Variants in MYO3A observed in about 807,000 individuals in gnomAD.
MYO3A encodes the protein myosin-IIIa.
Under a neutral mutation model 192.7 loss-of-function variants are expected in MYO3A, and 180 were observed. The ratio of observed to expected loss-of-function variants is 0.93; its 90% CI spans 0.83 to 1.06. The LOEUF is 1.06. Among genes scored for constraint, MYO3A ranks in the 50% least tolerant of loss-of-function variants. MYO3A has a pLI of 0.00. For synonymous variants in MYO3A, 628 were observed against 645.3 expected (o/e 0.97, Z 0.41); for missense variants, 1,896 against 1,905.0 (o/e 1.00, Z 0.09).
Position 26,125,164 on chromosome 10 carries a change from T to C in MYO3A, c.1904-234T>C, listed in dbSNP as rs1035333199. On this transcript the variant is annotated intron_variant, in intron 18 of 34. Coordinates refer to ENST00000642920, the MANE Select transcript of MYO3A (RefSeq NM_017433.5). ...TGTATTACTCTGCCAGCCAGTGTGA[T>C]TTGGGTTATGTTATAATATGCAGTA... Among the ~76,000 whole-genome samples, 5 of 152,354 alleles carry C rather than the reference T, an allele frequency of 3.3e-5. No homozygotes were observed. In the East Asian group the frequency reaches 9.6e-4, roughly 29 times the overall value.
chr10:25,988,225 G>A (rs575117285), intron 4 of MYO3A, among the ~76,000 whole-genome samples: 1 of 152,106 alleles, frequency 6.6e-6, no homozygotes, highest in Non-Finnish European at 1.5e-5. Flanking sequence ...GTGTGGGTGG[G>A]TGGTGAGGGA....
At chr10:26,166,554 T>C (rs1042939656) in intron 27 of MYO3A, among the ~76,000 whole-genome samples, 1 of 152,072 alleles carries the variant, frequency 6.6e-6, no homozygotes, top group Admixed American at 6.6e-5. Context: ...AAAGTTTACA[T>C]TGAAATTTAA....
intron 26 of MYO3A, among the ~76,000 whole-genome samples, chr10:26,159,234 C>T (rs1841345261): frequency 6.6e-6 from 1 of 151,526 alleles, no homozygotes; most frequent in Non-Finnish European, 1.5e-5. Context: ...TCGTGATCCG[C>T]CCACCTTGGC....
intron 6 of MYO3A, among the ~76,000 whole-genome samples, chr10:26,010,140 AT>A (rs556686703): frequency 5.3e-4 from 80 of 152,334 alleles, no homozygotes; most frequent in African/African-American, 1.9e-3. Context: ...AAGCCATATA[AT>A]TATCTTTATT....
intron 31 of MYO3A, among the ~76,000 whole-genome samples, chr10:26,189,287 A>C (rs1843011666): frequency 6.6e-6 from 1 of 152,220 alleles, no homozygotes; most frequent in Non-Finnish European, 1.5e-5. Context: ...TACCTCGCTA[A>C]AGACCCTATC....
chr10:26,149,662 T>C (rs1000280905), intron 23 of MYO3A, among the ~76,000 whole-genome samples: 1 of 152,202 alleles, frequency 6.6e-6, no homozygotes, highest in African/African-American at 2.4e-5. Flanking sequence ...GTTTATTGTA[T>C]ACAAATGACA....
At chr10:26,042,674 C>T (rs1428251021) in intron 10 of MYO3A, among the ~76,000 whole-genome samples, 1 of 152,170 alleles carries the variant, frequency 6.6e-6, no homozygotes, top group African/African-American at 2.4e-5. Context: ...ATTTCAATCT[C>T]TTAGTTAAAT....
chr10:26,057,770 T>C (rs1206283450), intron 10 of MYO3A, among the ~76,000 whole-genome samples: 2 of 152,212 alleles, frequency 1.3e-5, no homozygotes, highest in Non-Finnish European at 2.9e-5. Context: ...AATAGCACAA[T>C]CCAAAGAAGT....
At chr10:26,125,267 A>G (rs1171805357) in intron 18 of MYO3A, 131 bp from the exon 19 acceptor site, 1 of 862,806 alleles carries the variant, frequency 1.2e-6, no homozygotes, top group East Asian at 2.6e-5. Flanking sequence ...ATAGTATCAT[A>G]TTTTTACATT....
intron 6 of MYO3A, among the ~76,000 whole-genome samples, chr10:26,016,194 G>T (rs1841974219): frequency 6.6e-6 from 1 of 152,190 alleles, no homozygotes; most frequent in Non-Finnish European, 1.5e-5. Context: ...TGAAATATTT[G>T]ATTATACCTC....
At chr10:26,019,637 G>T (rs954318470) in intron 7 of MYO3A, among the ~76,000 whole-genome samples, 1 of 152,130 alleles carries the variant, frequency 6.6e-6, no homozygotes, top group Non-Finnish European at 1.5e-5. Context: ...AATAAATTGA[G>T]TCATACAATA....
At chr10:26,182,340 G>T (rs1334304837) in intron 31 of MYO3A, among the ~76,000 whole-genome samples, 6 of 152,158 alleles carry the variant, frequency 3.9e-5, no homozygotes, top group Non-Finnish European at 7.4e-5. Flanking sequence ...GCCACTAAAA[G>T]TTTCTTTGAT....
chr10:26,087,082 G>T (rs748964585), intron 14 of MYO3A, among the ~76,000 whole-genome samples: 1 of 152,042 alleles, frequency 6.6e-6, no homozygotes, highest in African/African-American at 2.4e-5. Flanking sequence ...CGAGGTGTTT[G>T]GTAGATAGAA....
chr10:26,146,839 A>G lies in MYO3A; in HGVS notation c.2506-591A>G, dbSNP rs192378179. Among the ~76,000 whole-genome samples the G allele has an allele frequency of 6.9e-3, 1,028 of 149,976 alleles. 13 individuals are homozygous for G. Among genetic ancestry groups the G allele is most frequent in the African/African-American group, 0.023 (963 of 41,020 alleles). ...TAAAAAGTCGTAAAATTGGCTAGGC[A>G]TGGTGGCTCACGCCTGTAATCCTAG... On this transcript the variant is annotated intron_variant, in intron 22 of 34. Transcript: ENST00000642920.
intron 4 of MYO3A, among the ~76,000 whole-genome samples, chr10:25,988,939 C>CTTTTT (rs56308717): frequency 1.7e-5 from 2 of 116,994 alleles, no homozygotes; most frequent in East Asian, 2.5e-4. Flanking sequence ...CCCTAAAACT[C>CTTTTT]TTTTTTTTTT....
rs1589132737 is a variant in MYO3A, at chr10:26,212,287, G to A, written c.*324G>A. The A allele has an allele frequency of 2.3e-6, 1 of 425,784 alleles. No homozygotes were observed. The highest frequency in any genetic ancestry group is 3.3e-5 in the East Asian group (1 of 30,126). 26.4% of individuals were successfully genotyped at this position (425,784 alleles called of 1,614,324 possible). On this transcript the variant is annotated 3_prime_UTR_variant, in exon 35 of 35. Transcript: ENST00000642920. ...TTTGTTCTTTTTTTTTGTGACTCCT[G>A]TGGACTCCACTGCGCCTGGGATCTC...
chr10:26,176,017 G>C (rs1434596632), intron 30 of MYO3A, among the ~76,000 whole-genome samples: 1 of 152,124 alleles, frequency 6.6e-6, no homozygotes, highest in African/African-American at 2.4e-5. Context: ...AAAGAAGGCC[G>C]GGCGCGGTGG....
chr10:26,169,388 A>G (rs1841929853), intron 28 of MYO3A, among the ~76,000 whole-genome samples: 1 of 152,216 alleles, frequency 6.6e-6, no homozygotes, highest in Admixed American at 6.5e-5. Context: ...TTTCCATAAG[A>G]AATGAAATTT....
chr10:26,017,027 G>T, intron 7 of MYO3A, 131 bp downstream of exon 7: 8 of 1,041,856 alleles, frequency 7.7e-6, no homozygotes, highest in Non-Finnish European at 1.2e-5. Context: ...ATTTTCATGT[G>T]AGAATTTTGC....
Sources: allele counts gnomAD v4.1 joint callset (sites outside exome capture counted in the v4.1 genomes callset), GRCh38; gene constraint gnomAD v4.1.1; transcripts MANE v1.5; gene names NCBI Gene and HGNC (gene_info 2026-07-23, HGNC 2026-07-21).